The following DOP1A variants were observed in gnomAD, a reference collection of about 807,000 sequenced individuals.
DOP1A encodes the protein DOP1 leucine zipper like protein A.
In DOP1A, 90 loss-of-function variants were observed where a neutral mutation model predicts 267.6. The ratio of observed to expected loss-of-function variants is 0.34; its 90% CI spans 0.28 to 0.40. The LOEUF is 0.40. DOP1A is among the 10% of genes least tolerant of loss of function. The pLI, the probability that DOP1A is intolerant of heterozygous loss-of-function variation, is 1.00. For synonymous variants in DOP1A, 932 were observed against 999.1 expected (o/e 0.93, Z 1.27); for missense variants, 2,437 against 2,900.4 (o/e 0.84, Z 3.67).
At chr6:83,102,205 A>G (rs958730101) in intron 4 of DOP1A, among the ~76,000 whole-genome samples, 6 of 152,240 alleles carry the variant, frequency 3.9e-5, no homozygotes, top group Admixed American at 1.3e-4. Flanking sequence ...AATAAATGGT[A>G]TCACCATCTA....
At chr6:83,092,561 C>A (rs556318222) in intron 1 of DOP1A, among the ~76,000 whole-genome samples, 4 of 113,026 alleles carry the variant, frequency 3.5e-5, no homozygotes, top group South Asian at 3.8e-4. Flanking sequence ...GTCCCTCCCC[C>A]CCCCCCCACC....
intron 1 of DOP1A, among the ~76,000 whole-genome samples, chr6:83,079,704 T>C (rs571287302): frequency 6.1e-4 from 93 of 152,298 alleles, no homozygotes; most frequent in Middle Eastern, 3.4e-3. Flanking sequence ...GTAAAAATTA[T>C]TTTTGCTTAT....
intron 1 of DOP1A, among the ~76,000 whole-genome samples, chr6:83,071,921 A>C (rs79489489): frequency 1.3e-5 from 2 of 152,234 alleles, no homozygotes; most frequent in Non-Finnish European, 2.9e-5. Context: ...TTCAGGAGTG[A>C]TGAAATGTTA....
Position 83,137,619 on chromosome 6 carries a change from A to T in DOP1A, c.3577A>T (p.Thr1193Ser). Residue 1193 changes from threonine to serine, a missense_variant, in exon 21 of 39, where the codon ACG (threonine) becomes TCG (serine). Thr to Ser is a moderately conservative substitution (Grantham distance 58). This residue lies in a region of DOP1A where 878 missense variants were observed against 992.9 expected (regional missense o/e 0.88). Coordinates refer to ENST00000349129, the MANE Select transcript of DOP1A (RefSeq NM_015018.4). The stretch of plus-strand genomic sequence containing the variant: ...CAGTGATATAGATCCAGATGAAGAG[A>T]CGATTAAAATTGAAGATGACTCCAT... Reference protein sequence around the residue: ...KCSDIDPDEETIKIEDDSIQQ... With the variant: ...KCSDIDPDEESIKIEDDSIQQ... The T allele has an allele frequency of 2.5e-6, 4 of 1,613,828 alleles. No individual in the cohort carries two copies. The highest frequency in any genetic ancestry group is 3.4e-6 in the Non-Finnish European group (4 of 1,179,842).
chr6:83,071,801 T>C (rs1463927935), intron 1 of DOP1A, among the ~76,000 whole-genome samples: 1 of 152,226 alleles, frequency 6.6e-6, no homozygotes, highest in Non-Finnish European at 1.5e-5. Context: ...TGAATGTTAC[T>C]GATGTTACAT....
intron 6 of DOP1A, 53 bp from the exon 7 acceptor site, chr6:83,113,270 C>A: frequency 1.4e-6 from 2 of 1,436,338 alleles, no homozygotes; most frequent in South Asian, 1.3e-5. Flanking sequence ...ATTTTCGTGG[C>A]AAAAATGTCT....
intron 37 of DOP1A, among the ~76,000 whole-genome samples, chr6:83,162,303 C>CA (rs1259419221): frequency 2.0e-5 from 3 of 151,670 alleles, no homozygotes; most frequent in African/African-American, 4.8e-5. Context: ...AAGAGAAGTG[C>CA]AAAAAAAGCC....
Position 83,139,214 on chromosome 6 carries a change from C to T in DOP1A, c.5120+52C>T, listed in dbSNP as rs561126861. The T allele has an allele frequency of 1.1e-4, 154 of 1,354,768 alleles. 1 individual carries two copies. The East Asian group carries it at 3.4e-3, about 30-fold the overall frequency. 83.9% of individuals were successfully genotyped at this position (1,354,768 alleles called of 1,614,324 possible). On this transcript the variant is annotated intron_variant, in intron 21 of 38. Transcript: ENST00000349129. ...GTACTGACATTTTTCACATATATGA[C>T]TGCTTAATGTCTGGAAAGTTGGTCA...
At position 83,089,827 on chromosome 6, in the gene DOP1A, T is replaced by A. The variant is rs938547405; in HGVS notation, c.-146-6904T>A. Among the ~76,000 whole-genome samples, 48 of 152,202 alleles carry A rather than the reference T, an allele frequency of 3.2e-4. 1 individual carries two copies. The highest frequency in any genetic ancestry group is 5.9e-5 in the Non-Finnish European group (4 of 68,032). On this transcript the variant is annotated intron_variant, in intron 1 of 38. Transcript: ENST00000349129. Reference sequence around the variant, plus strand: ...GATATAACGTTTAAGATGATGGAAATGTTCTGTATCTTAACTGTAGTGAAG... The same window carrying A: ...GATATAACGTTTAAGATGATGGAAAAGTTCTGTATCTTAACTGTAGTGAAG...
chr6:83,090,668 A>G (rs1472411393), intron 1 of DOP1A, among the ~76,000 whole-genome samples: 2 of 152,222 alleles, frequency 1.3e-5, no homozygotes, highest in Non-Finnish European at 2.9e-5. Flanking sequence ...ACATGATTTT[A>G]TATTTTAGAA....
chr6:83,141,851 A>G, intron 23 of DOP1A, 70 bp from the exon 24 acceptor site: 1 of 1,510,238 alleles, frequency 6.6e-7, no homozygotes, highest in Non-Finnish European at 8.9e-7. Context: ...GAAACCAAAA[A>G]CGCAGTCTAG....
intron 34 of DOP1A, among the ~76,000 whole-genome samples, 153 bp downstream of exon 34, chr6:83,156,256 A>T (rs537696966): frequency 6.6e-6 from 1 of 152,196 alleles, no homozygotes; most frequent in Admixed American, 6.5e-5. Flanking sequence ...AAAATTATCA[A>T]TGCTGGCATC....
chr6:83,096,567 A>T (rs1771552181), intron 1 of DOP1A, among the ~76,000 whole-genome samples, 164 bp from the exon 2 acceptor site: 2 of 151,700 alleles, frequency 1.3e-5, no homozygotes, highest in African/African-American at 4.9e-5. Context: ...ACCAGACTTA[A>T]TGTATTTTAG....
intron 19 of DOP1A, among the ~76,000 whole-genome samples, chr6:83,134,929 C>T (rs1382477722): frequency 3.3e-5 from 5 of 152,172 alleles, no homozygotes; most frequent in South Asian, 4.2e-4. Context: ...CTCTACTGAA[C>T]GTTATTTCAG....
In DOP1A at chr6:83,138,450, A is replaced by G; in HGVS notation, c.4408A>G (p.Thr1470Ala). 1 of 1,612,536 alleles carries G rather than the reference A, an allele frequency of 6.2e-7. No homozygotes were observed. Among genetic ancestry groups the G allele is most frequent in the Non-Finnish European group, 8.5e-7 (1 of 1,179,858 alleles). ...ATATTACATGCGTAGCCATTACCCA[A>G]CTCATGTCAAGGTTACTGCACAAGA... Reference protein sequence around the residue: ...CLYYMRSHYPTHVKVTAQDLI... With the variant: ...CLYYMRSHYPAHVKVTAQDLI... Residue 1470 changes from threonine to alanine, a missense_variant, in exon 21 of 39, where the codon ACT becomes GCT. Physicochemically the swap from Thr to Ala is moderately conservative, Grantham distance 58 (BLOSUM62 0). Transcript: ENST00000349129.
At chr6:83,136,938 G>A (rs1778952304) in intron 20 of DOP1A, among the ~76,000 whole-genome samples, 2 of 152,024 alleles carry the variant, frequency 1.3e-5, no homozygotes, top group South Asian at 4.1e-4. Flanking sequence ...TGTATTTGTG[G>A]TTTGCTGCTA....
intron 4 of DOP1A, among the ~76,000 whole-genome samples, chr6:83,107,377 C>T (rs1445435571): frequency 6.6e-6 from 1 of 151,878 alleles, no homozygotes; most frequent in Non-Finnish European, 1.5e-5. Context: ...TCAAACAGTA[C>T]CTAAAATGGG....
chr6:83,087,850 TG>T (rs1582885210), intron 1 of DOP1A, among the ~76,000 whole-genome samples: 2 of 152,052 alleles, frequency 1.3e-5, no homozygotes, highest in African/African-American at 4.8e-5. Flanking sequence ...CATTGATGTT[TG>T]TTTTTTTGTT....
chr6:83,159,596 A>G (rs369265565), intron 36 of DOP1A, 200 bp from the exon 37 acceptor site: 1 of 633,434 alleles, frequency 1.6e-6, no homozygotes, highest in Non-Finnish European at 2.7e-6. Flanking sequence ...CAGTCTATGT[A>G]CTGTTTTTGC....
Sources: allele counts gnomAD v4.1 joint callset (sites outside exome capture counted in the v4.1 genomes callset), GRCh38; gene constraint gnomAD v4.1.1; regional missense constraint gnomAD v4.1.1; transcripts MANE v1.5; gene names NCBI Gene and HGNC (gene_info 2026-07-23, HGNC 2026-07-21).